The following GCDH variants were observed in gnomAD, a reference collection of about 807,000 sequenced individuals.
GCDH encodes the protein glutaryl-CoA dehydrogenase, mitochondrial.
In GCDH, 31 loss-of-function variants were observed where a neutral mutation model predicts 52.8. The ratio of observed to expected loss-of-function variants is 0.59; its 90% CI spans 0.44 to 0.79. The LOEUF is 0.79. Among genes scored for constraint, GCDH ranks in the 30% least tolerant of loss-of-function variants. The pLI, the probability that GCDH is intolerant of heterozygous loss-of-function variation, is 0.00. For missense variants in GCDH, 509 were observed against 595.0 expected, an observed-to-expected ratio of 0.86 and a Z score of 1.50; for synonymous variants, 242 against 250.0, an observed-to-expected ratio of 0.97 and a Z score of 0.30.
In GCDH at chr19:12,899,876, A is replaced by G. The variant is rs1180439288; in HGVS notation, c.*335A>G. The G allele has an allele frequency of 6.3e-7, 1 of 1,591,166 alleles. No homozygotes were observed. Among genetic ancestry groups the G allele is most frequent in the Non-Finnish European group, 8.6e-7 (1 of 1,162,496 alleles). ...GCTGACCCCCTCACACTGAGTTCAC[A>G]GTGCGCCCTCCCTCCCTCCCATCTG... is the stretch of plus-strand genomic sequence containing the variant. On this transcript the variant is annotated 3_prime_UTR_variant, in exon 12 of 12. Coordinates refer to ENST00000222214, the MANE Select transcript of GCDH (RefSeq NM_000159.4).
At chr19:12,899,226 T>C in intron 11 of GCDH, 2 of 990,016 alleles carry the variant, frequency 2.0e-6, no homozygotes, top group South Asian at 2.8e-5. Flanking sequence ...TTTTGTTTTT[T>C]TCTGCCAAGA....
intron 11 of GCDH, chr19:12,899,179 G>A: frequency 1.5e-6 from 1 of 663,254 alleles, no homozygotes; most frequent in Non-Finnish European, 2.6e-6. Flanking sequence ...GGCTGGACTT[G>A]CTACATTTTG....
At position 12,891,800 on chromosome 19, in the gene GCDH, G is replaced by C; in HGVS notation, c.128-31G>C. 6 of 1,612,750 alleles carry C rather than the reference G, an allele frequency of 3.7e-6. No homozygotes were observed. In the South Asian group the frequency reaches 4.4e-5, roughly 12 times the overall value. On this transcript the variant is annotated intron_variant, in intron 3 of 11. Coordinates refer to ENST00000222214, the MANE Select transcript of GCDH (RefSeq NM_000159.4). ...AGAAGGGAGGGCACAGTGATCTTGC[G>C]GACTGGACCGAGGCGAATTCCCCTT...
intron 3 of GCDH, 84 bp from the exon 4 acceptor site, chr19:12,891,747 G>T (rs1379131395): frequency 1.9e-6 from 3 of 1,607,582 alleles, no homozygotes; most frequent in Admixed American, 1.7e-5. Flanking sequence ...CGACATGGGT[G>T]TTGGGGGGTA....
At position 12,896,597 on chromosome 19, in the gene GCDH, G is replaced by A. The variant is rs563088037; in HGVS notation, c.852+176G>A. On this transcript the variant is annotated intron_variant, in intron 8 of 11. Transcript: ENST00000222214. The surrounding 1 kb of genome is among the most constrained non-coding windows in gnomAD (Gnocchi z 5.5). ...ACTGCCCCCATTTGGTGACCGTCTCGCTCATCCCGGCTCTGCCCGGGACAC... is the reference window on the plus strand; with the variant it reads ...ACTGCCCCCATTTGGTGACCGTCTCACTCATCCCGGCTCTGCCCGGGACAC... 2.6e-5 allele frequency among the ~76,000 whole-genome samples: 4 copies of A among 152,300 alleles called. No homozygotes were observed. Among genetic ancestry groups the A allele is most frequent in the East Asian group, 3.9e-4 (2 of 5,166 alleles).
rs372678445 is a variant in GCDH, at chr19:12,896,304, C to T, written c.735C>T (p.Leu245=). The T allele has an allele frequency of 2.2e-5, 35 of 1,614,094 alleles. 1 individual carries two copies. The African/African-American group carries it at 4.3e-4, about 20-fold the overall frequency. The change falls in exon 8 of 12, where the codon CTC becomes CTT. Residue 245 remains leucine, a synonymous_variant. Coordinates refer to ENST00000222214, the MANE Select transcript of GCDH (RefSeq NM_000159.4). This position sits in a 1 kb window ranked among gnomAD's most constrained non-coding sequence, Gnocchi z 5.5. Reference sequence around the variant, plus strand: ...TGCTGGAGAAGGGGATGCGGGGTCTCTCGGCCCCCAGGATCCAGGGCAAGT... The same window carrying T: ...TGCTGGAGAAGGGGATGCGGGGTCTTTCGGCCCCCAGGATCCAGGGCAAGT... The part of the protein sequence containing the change: ...GFLLEKGMRG[L]SAPRIQGKFS...
At chr19:12,897,647 G>C in intron 10 of GCDH, 56 bp from the exon 11 acceptor site, 1 of 1,602,584 alleles carries the variant, frequency 6.2e-7, no homozygotes, top group Non-Finnish European at 8.5e-7. Context: ...AGGTTTGCTT[G>C]GAGCATCGGG....
rs201407990 is a variant in GCDH, at chr19:12,899,453, A to G, written c.1244-15A>G. 269 of 1,614,072 alleles carry G rather than the reference A, an allele frequency of 1.7e-4. 1 individual carries two copies. The highest frequency in any genetic ancestry group is 1.9e-4 in the Non-Finnish European group (225 of 1,180,020). ...TATGAAAACTCCAAACCGACTCTGTATTAATCTTGTCCAGGTACACATGAC... is the reference window on the plus strand; with the variant it reads ...TATGAAAACTCCAAACCGACTCTGTGTTAATCTTGTCCAGGTACACATGAC... On this transcript the variant is annotated splice_polypyrimidine_tract_variant and intron_variant, in intron 11 of 11. Transcript: ENST00000222214.
rs1467158923 is a variant in GCDH, at chr19:12,896,865, T to C, written c.853-45T>C. On this transcript the variant is annotated intron_variant, in intron 8 of 11. Coordinates refer to ENST00000222214, the MANE Select transcript of GCDH (RefSeq NM_000159.4). This position sits in a 1 kb window ranked among gnomAD's most constrained non-coding sequence, Gnocchi z 5.5. ...CAGAGTTGGTTCTGCATAGGCCCTC[T>C]TGGTGTCTCTTGGGTGGGCCTGAGG... 7.3e-7 allele frequency: 1 copy of C among 1,366,210 alleles called. No individual in the cohort carries two copies. Among genetic ancestry groups the C allele is most frequent in the Non-Finnish European group, 1.0e-6 (1 of 956,076 alleles). The allele number at this position is 1,366,210 out of a possible 1,614,324, so 84.6% of individuals were successfully genotyped here.
intron 6 of GCDH, chr19:12,894,608 A>G: frequency 1.5e-6 from 1 of 681,292 alleles, no homozygotes; most frequent in South Asian, 1.8e-5. Flanking sequence ...GTATGTTGTA[A>G]AAAAGCCCTT....
chr19:12,897,893 A>T, intron 11 of GCDH, 30 bp downstream of exon 11: 1 of 1,600,270 alleles, frequency 6.2e-7, no homozygotes, highest in Non-Finnish European at 8.6e-7. Context: ...GGGCTCACTG[A>T]GGCCTCAGTG....
chr19:12,891,653 C>T (rs778044164), intron 3 of GCDH, 131 bp downstream of exon 3: 22 of 1,607,404 alleles, frequency 1.4e-5, no homozygotes, highest in South Asian at 2.2e-5. Flanking sequence ...GTCAGAGGCA[C>T]TAAGGCAGTG....
chr19:12,897,633 G>A (rs899169839), intron 10 of GCDH, 70 bp from the exon 11 acceptor site: 5 of 1,584,760 alleles, frequency 3.2e-6, no homozygotes, highest in African/African-American at 2.7e-5. Flanking sequence ...CCCCACCCCG[G>A]GCTAGGTTTG....
In GCDH at chr19:12,896,222, T is replaced by C; in HGVS notation, c.653T>C (p.Met218Thr). ...GTKTWITNSP[M>T]ADLFVVWARC... is the part of the protein sequence containing the mutation. ...ATCCCCAGGATCACGAACTCGCCTA[T>C]GGCCGATCTGTTTGTAGTGTGGGCT... is the stretch of plus-strand genomic sequence containing the variant. Residue 218 changes from methionine (M) to threonine (T), a missense_variant, in exon 8 of 12, where the codon ATG becomes ACG. Coordinates refer to ENST00000222214, the MANE Select transcript of GCDH (RefSeq NM_000159.4). This position sits in a 1 kb window ranked among gnomAD's most constrained non-coding sequence, Gnocchi z 5.5. The C allele has an allele frequency of 2.5e-6, 4 of 1,614,072 alleles. No homozygotes were observed. The highest frequency in any genetic ancestry group is 3.4e-6 in the Non-Finnish European group (4 of 1,179,992).
chr19:12,892,623 T>C (rs138646475), intron 5 of GCDH, among the ~76,000 whole-genome samples: 2,187 of 147,914 alleles, frequency 0.015, 41 homozygotes, highest in Non-Finnish European at 0.018. Context: ...GCTCTTGTTG[T>C]CCAGGCTGGA....
chr19:12,892,639 G>A (rs1479008286), intron 5 of GCDH, among the ~76,000 whole-genome samples: 2 of 152,026 alleles, frequency 1.3e-5, no homozygotes, highest in Non-Finnish European at 2.9e-5. Flanking sequence ...CTGGAGTGCA[G>A]TGATGCAATC....
chr19:12,894,476 A>T (rs1286821622), intron 6 of GCDH: 2 of 731,196 alleles, frequency 2.7e-6, no homozygotes, highest in South Asian at 1.4e-5. Context: ...GTTATTGTAA[A>T]AAAAAGGAGA....
intron 5 of GCDH, among the ~76,000 whole-genome samples, chr19:12,892,650 T>G (rs1002785239): frequency 5.3e-5 from 8 of 152,012 alleles, no homozygotes; most frequent in Admixed American, 2.6e-4. Context: ...TGATGCAATC[T>G]TGGCTCACTG....
In GCDH at chr19:12,891,343, CG is replaced by C; in HGVS notation, c.41del (p.Gly14AspfsTer47). 6.2e-7 allele frequency: 1 copy of C among 1,612,444 alleles called. No individual in the cohort carries two copies. The highest frequency in any genetic ancestry group is 8.5e-7 in the Non-Finnish European group (1 of 1,179,962). On this transcript the variant is annotated frameshift_variant, in exon 2 of 12. Coordinates refer to ENST00000222214, the MANE Select transcript of GCDH (RefSeq NM_000159.4). LOFTEE classifies it high-confidence loss of function. The stretch of plus-strand genomic sequence containing the variant: ...GCGTCTCCGTGCGGCTGCTGAGCCG[CG>C]GACCCGGCCTGCACGTCCTTCGCAC... ...RGVSVRLLSR[G>X]PGLHVLRTWV...
Sources: gnomAD v4.1 joint callset for allele counts (sites outside exome capture counted in the v4.1 genomes callset) on GRCh38, gnomAD v4.1.1 for gene constraint, Gnocchi (gnomAD v3.1) non-coding constraint, MANE v1.5 for transcripts, NCBI Gene and HGNC (gene_info 2026-07-23, HGNC 2026-07-21) for gene names.